SNX30: variants seen among roughly 807,000 people sequenced by gnomAD.
The protein encoded by SNX30 is sorting nexin-30.
SNX30 carries 24 observed loss-of-function variants against 46.4 expected under a neutral mutation model. The observed-to-expected ratio is 0.52, with a 90% CI of 0.37 to 0.73. The LOEUF is 0.73. Among genes scored for constraint, SNX30 ranks in the 30% least tolerant of loss-of-function variants. SNX30 has a pLI of 0.00. For synonymous variants in SNX30, 189 were observed against 211.5 expected (o/e 0.89, Z 0.92); for missense variants, 533 against 555.7 (o/e 0.96, Z 0.41).
intron 6 of SNX30, among the ~76,000 whole-genome samples, chr9:112,843,625 G>GCTTT (rs1840891620): frequency 3.0e-5 from 1 of 32,872 alleles, no homozygotes; most frequent in Admixed American, 4.6e-4. Context: ...TCCTGCAGTA[G>GCTTT]CTTTTTTTTT....
chr9:112,762,462 A>C (rs1839456763), intron 1 of SNX30, among the ~76,000 whole-genome samples: 1 of 152,080 alleles, frequency 6.6e-6, no homozygotes, highest in Non-Finnish European at 1.5e-5. Context: ...TGGTCCAGTG[A>C]AGAAGAGAGA....
chr9:112,778,568 G>A lies in SNX30; in HGVS notation c.157-26208G>A, dbSNP rs116455158. On this transcript the variant is annotated intron_variant, in intron 1 of 8. Transcript: ENST00000374232. ...ATTATAGGCGTGAGCCACTGCGCCC[G>A]GCCCGGCCATATTCTTTTGGTCAAA... 2.3e-3 allele frequency among the ~76,000 whole-genome samples: 346 copies of A among 152,262 alleles called. 1 individual carries two copies. Among genetic ancestry groups the A allele is most frequent in the African/African-American group, 7.7e-3 (321 of 41,556 alleles).
At chr9:112,865,841 A>G (rs1160118935) in intron 8 of SNX30, among the ~76,000 whole-genome samples, 1 of 151,380 alleles carries the variant, frequency 6.6e-6, no homozygotes, top group Non-Finnish European at 1.5e-5. Context: ...GCAGTAGTGC[A>G]GTCTGTTACC....
At position 112,871,833 on chromosome 9, in the gene SNX30, C is replaced by T. The variant is rs1259747249; in HGVS notation, c.*2990C>T. The T allele has an allele frequency of 6.6e-6, 1 of 152,172 alleles. No homozygotes were observed. The highest frequency in any genetic ancestry group is 2.4e-5 in the African/African-American group (1 of 41,428). 9.4% of individuals were successfully genotyped at this position (152,172 alleles called of 1,614,324 possible). A position where few individuals can be genotyped will look rare whatever the true frequency, so the allele number is the denominator to read the frequency against. On this transcript the variant is annotated 3_prime_UTR_variant, in exon 9 of 9. Coordinates refer to ENST00000374232, the MANE Select transcript of SNX30 (RefSeq NM_001012994.2). ...TTTTCTTACTAATGTGGTAGATCTA[C>T]ACGAACATTCTAGGCTGTTCTGCTC...
At chr9:112,808,884 G>A (rs753702443) in intron 2 of SNX30, among the ~76,000 whole-genome samples, 5 of 152,056 alleles carry the variant, frequency 3.3e-5, no homozygotes, top group Admixed American at 6.5e-5. Context: ...AATGCTTTAC[G>A]TATATTATCA....
intron 1 of SNX30, among the ~76,000 whole-genome samples, chr9:112,790,061 A>G (rs1839995810): frequency 6.6e-6 from 1 of 152,222 alleles, no homozygotes; most frequent in South Asian, 2.1e-4. Context: ...TACTTGTACA[A>G]GCAACCTTGG....
intron 1 of SNX30, among the ~76,000 whole-genome samples, chr9:112,757,044 T>G (rs957221807): frequency 1.3e-5 from 2 of 152,208 alleles, no homozygotes; most frequent in African/African-American, 4.8e-5. Flanking sequence ...ACAGTACAAT[T>G]TTATTATTAA....
intron 1 of SNX30, among the ~76,000 whole-genome samples, chr9:112,782,888 G>A (rs1006895694): frequency 6.6e-6 from 1 of 152,230 alleles, no homozygotes; most frequent in Non-Finnish European, 1.5e-5. Flanking sequence ...GCAGACACTG[G>A]TGGGGCCTCG....
In SNX30 at chr9:112,832,788, T is replaced by A. The variant is rs936779149; in HGVS notation, c.618+1905T>A. ...ACTTAAAGTATAATAATAAAAAATTTAAAAAAAATTAGAAAAAATATATAT... is the reference window on the plus strand; with the variant it reads ...ACTTAAAGTATAATAATAAAAAATTAAAAAAAAATTAGAAAAAATATATAT... On this transcript the variant is annotated intron_variant, in intron 4 of 8. Transcript: ENST00000374232. 1.1e-3 allele frequency among the ~76,000 whole-genome samples: 155 copies of A among 145,796 alleles called. 1 individual carries two copies. The highest frequency in any genetic ancestry group is 1.7e-4 in the African/African-American group (7 of 40,046).
Position 112,757,414 on chromosome 9 carries a change from A to C in SNX30, c.156+6257A>C, listed in dbSNP as rs188472578. 2.4e-3 allele frequency among the ~76,000 whole-genome samples: 364 copies of C among 152,284 alleles called. 6 individuals carry two copies. The highest frequency in any genetic ancestry group is 4.5e-3 in the Admixed American group (69 of 15,282). ...TCTGTTCGTCCATTGAGGCCTGCTTAGGTTGTTTCTATATCTTGGCTATTG... is the reference window on the plus strand; with the variant it reads ...TCTGTTCGTCCATTGAGGCCTGCTTCGGTTGTTTCTATATCTTGGCTATTG... On this transcript the variant is annotated intron_variant, in intron 1 of 8. Transcript: ENST00000374232.
chr9:112,810,892 G>A (rs549127055), intron 2 of SNX30, among the ~76,000 whole-genome samples: 35 of 152,242 alleles, frequency 2.3e-4, no homozygotes, highest in South Asian at 8.3e-4. Context: ...GGGAGTGGTG[G>A]TCAGGAGCTG....
chr9:112,830,579 C>T, intron 3 of SNX30, 146 bp from the exon 4 acceptor site: 1 of 646,542 alleles, frequency 1.5e-6, no homozygotes, highest in Non-Finnish European at 2.5e-6. Flanking sequence ...TTTCAGAAGT[C>T]TTTATATTAA....
chr9:112,830,186 A>C lies in SNX30; in HGVS notation c.460-539A>C, dbSNP rs1252129810. Among the ~76,000 whole-genome samples, 10 of 152,196 alleles carry C rather than the reference A, an allele frequency of 6.6e-5. No homozygotes were observed. The East Asian group carries it at 1.9e-3, about 29-fold the overall frequency. On this transcript the variant is annotated intron_variant, in intron 3 of 8. Transcript: ENST00000374232. Reference sequence around the variant, plus strand: ...GGGGAATAAAGGAAATTACGTTTTAAATAACTTTTGAGTATAAACCTAAAC... The same window carrying C: ...GGGGAATAAAGGAAATTACGTTTTACATAACTTTTGAGTATAAACCTAAAC...
chr9:112,771,489 T>C (rs1029325120), intron 1 of SNX30, among the ~76,000 whole-genome samples: 2 of 152,164 alleles, frequency 1.3e-5, no homozygotes, highest in Admixed American at 6.5e-5. Context: ...GTCTTGCGTG[T>C]GTGTGAAAGA....
downstream of SNX30, among the ~76,000 whole-genome samples, chr9:112,884,493 C>G (rs1564304545): frequency 6.6e-6 from 1 of 152,202 alleles, no homozygotes; most frequent in Non-Finnish European, 1.5e-5. Flanking sequence ...GAAACACTCC[C>G]TTTACACCAG....
intron 6 of SNX30, among the ~76,000 whole-genome samples, chr9:112,838,940 G>A (rs1024210139): frequency 6.6e-6 from 1 of 152,094 alleles, no homozygotes; most frequent in Non-Finnish European, 1.5e-5. Flanking sequence ...AGTTCAAGAA[G>A]ATATAATGCC....
chr9:112,824,474 A>G (rs1261996267), intron 3 of SNX30, among the ~76,000 whole-genome samples: 1 of 151,906 alleles, frequency 6.6e-6, no homozygotes, highest in African/African-American at 2.4e-5. Flanking sequence ...AACATTTATC[A>G]GCTCATGGCC....
chr9:112,839,346 G>A (rs1460682280), intron 6 of SNX30, among the ~76,000 whole-genome samples: 1 of 152,202 alleles, frequency 6.6e-6, no homozygotes, highest in African/African-American at 2.4e-5. Flanking sequence ...ATATTATTGT[G>A]GAATTTTAGA....
At chr9:112,835,553 G>A (rs1300384629) in intron 4 of SNX30, among the ~76,000 whole-genome samples, 2 of 151,402 alleles carry the variant, frequency 1.3e-5, no homozygotes, top group African/African-American at 4.9e-5. Context: ...CTGACCTCAA[G>A]TGATCTGCCC....
Sources: gnomAD v4.1 joint callset for allele counts (sites outside exome capture counted in the v4.1 genomes callset) on GRCh38, gnomAD v4.1.1 for gene constraint, MANE v1.5 for transcripts, NCBI Gene and HGNC (gene_info 2026-07-23, HGNC 2026-07-21) for gene names.